The following CDHR1 variants were observed in gnomAD, a reference collection of about 807,000 sequenced individuals.
CDHR1 encodes cadherin-related family member 1.
CDHR1 carries 61 observed loss-of-function variants against 72.1 expected under a neutral mutation model. The observed-to-expected ratio is 0.85, with a 90% CI of 0.69 to 1.05. The LOEUF is 1.05. Ranked by LOEUF, CDHR1 falls within the 50% of genes least tolerant of loss-of-function variation. CDHR1 has a pLI of 0.00. For synonymous variants in CDHR1, 470 were observed against 448.1 expected, an observed-to-expected ratio of 1.05 and a Z score of -0.62; for missense variants, 1,186 against 1,115.7, an observed-to-expected ratio of 1.06 and a Z score of -0.90.
chr10:84,209,187 A>G (rs1246322075), intron 12 of CDHR1, among the ~76,000 whole-genome samples: 1 of 152,248 alleles, frequency 6.6e-6, no homozygotes, highest in Non-Finnish European at 1.5e-5. Flanking sequence ...TAGATGTTTT[A>G]TCATATGCCT....
At position 84,195,507 on chromosome 10, in the gene CDHR1, C is replaced by T; in HGVS notation, c.69C>T (p.Phe23=). The change falls in exon 2 of 17, where the codon TTC becomes TTT. Residue 23 remains phenylalanine (F), a synonymous_variant. Transcript: ENST00000623527. ...LLRLCLAQAN[F]APHFFDNGVG... ...TTCTTTTTCCAGCTCAGGCCAACTTCGCCCCGCACTTCTTCGACAACGGGG... is the reference window on the plus strand; with the variant it reads ...TTCTTTTTCCAGCTCAGGCCAACTTTGCCCCGCACTTCTTCGACAACGGGG... The T allele has an allele frequency of 6.2e-7, 1 of 1,614,072 alleles. No homozygotes were observed. The highest frequency in any genetic ancestry group is 8.5e-7 in the Non-Finnish European group (1 of 1,179,956).
Position 84,195,604 on chromosome 10 carries a change from C to T in CDHR1, c.151+15C>T. 1 of 1,603,716 alleles carries T rather than the reference C, an allele frequency of 6.2e-7. No homozygotes were observed. Among genetic ancestry groups the T allele is most frequent in the Non-Finnish European group, 8.5e-7 (1 of 1,171,110 alleles). ...CACCCCTGTAGGTGAGTAGCCCTGG[C>T]ACCTGCTCCCGATAGGTCTCCCTGA... is the stretch of plus-strand genomic sequence containing the variant. On this transcript the variant is annotated intron_variant, in intron 2 of 16. Coordinates refer to ENST00000623527, the MANE Select transcript of CDHR1 (RefSeq NM_033100.4).
chr10:84,207,872 A>G (rs985476925), intron 10 of CDHR1, among the ~76,000 whole-genome samples: 5 of 152,160 alleles, frequency 3.3e-5, no homozygotes, highest in Non-Finnish European at 1.5e-5. Flanking sequence ...CTGTTGGACT[A>G]AGAGGTTCAG....
intron 15 of CDHR1, 82 bp from the exon 16 acceptor site, chr10:84,213,009 C>G: frequency 1.3e-6 from 2 of 1,546,832 alleles, no homozygotes; most frequent in Non-Finnish European, 1.8e-6. Flanking sequence ...ACCCAGCAAG[C>G]CCCATATGAC....
At chr10:84,200,170 CA>C (rs10583938) in intron 5 of CDHR1, among the ~76,000 whole-genome samples, 24,461 of 134,182 alleles carry the variant, frequency 0.18, 1,975 homozygotes, top group East Asian at 0.31. Context: ...AGCTCCATCT[CA>C]AAAAAAAAAA....
At chr10:84,199,641 G>A (rs910508897) in intron 5 of CDHR1, among the ~76,000 whole-genome samples, 1 of 152,126 alleles carries the variant, frequency 6.6e-6, no homozygotes, top group Non-Finnish European at 1.5e-5. Context: ...TATTTAAGGT[G>A]CTCTAAATTT....
chr10:84,203,048 G>A lies in CDHR1; in HGVS notation c.708G>A (p.Val236=), dbSNP rs1842157613. The A allele has an allele frequency of 1.2e-6, 2 of 1,614,230 alleles. No individual in the cohort carries two copies. The highest frequency in any genetic ancestry group is 1.6e-4 in the Middle Eastern group (1 of 6,062). Residue 236 remains valine (V), a synonymous_variant, in exon 8 of 17, where the codon GTG becomes GTA. Coordinates refer to ENST00000623527, the MANE Select transcript of CDHR1 (RefSeq NM_033100.4). ...FSATTTVTVN[V]EDVQDMAPVF... ...CCACCACCACGGTCACGGTCAATGTGGAGGATGTTCAGGACATGGCCCCTG... is the reference window on the plus strand; with the variant it reads ...CCACCACCACGGTCACGGTCAATGTAGAGGATGTTCAGGACATGGCCCCTG...
At chr10:84,212,104 T>G in intron 14 of CDHR1, 75 bp from the exon 15 acceptor site, 1 of 1,292,478 alleles carries the variant, frequency 7.7e-7, no homozygotes, top group Non-Finnish European at 1.1e-6. Flanking sequence ...AGGCAGCTCA[T>G]TATTGCAGGC....
intron 16 of CDHR1, among the ~76,000 whole-genome samples, chr10:84,213,770 C>T (rs1355861827): frequency 6.6e-6 from 1 of 152,160 alleles, no homozygotes; most frequent in Non-Finnish European, 1.5e-5. Flanking sequence ...ATCTCAAGGA[C>T]AGACTCCAGC....
At chr10:84,200,189 T>G (rs572141088) in intron 5 of CDHR1, among the ~76,000 whole-genome samples, 7 of 149,466 alleles carry the variant, frequency 4.7e-5, no homozygotes, top group East Asian at 1.9e-4. Context: ...AAAAAAAAAG[T>G]TTGCTAAGTC....
At chr10:84,207,634 T>C (rs1842250254) in intron 10 of CDHR1, among the ~76,000 whole-genome samples, 1 of 152,200 alleles carries the variant, frequency 6.6e-6, no homozygotes, top group Admixed American at 6.5e-5. Flanking sequence ...ATCAGCTGCA[T>C]AACTAATTAC....
At position 84,194,720 on chromosome 10, in the gene CDHR1, G is replaced by T; in HGVS notation, c.-41G>T. ...GGGCATGCTCCGTGCCCCTGCGCCC[G>T]GTCTCGGCGGCGGCAGGCGACACTC... On this transcript the variant is annotated 5_prime_UTR_variant, in exon 1 of 17. Transcript: ENST00000623527. 2 of 1,439,812 alleles carry T rather than the reference G, an allele frequency of 1.4e-6. No homozygotes were observed. Among genetic ancestry groups the T allele is most frequent in the Non-Finnish European group, 1.8e-6 (2 of 1,104,636 alleles). The allele number at this position is 1,439,812 out of a possible 1,614,324, so 89.2% of individuals were successfully genotyped here.
chr10:84,215,155 G>A lies in CDHR1; in HGVS notation c.*534G>A. 1 of 1,015,394 alleles carries A rather than the reference G, an allele frequency of 9.8e-7. No individual in the cohort carries two copies. The highest frequency in any genetic ancestry group is 1.2e-6 in the Non-Finnish European group (1 of 847,692). 62.9% of individuals were successfully genotyped at this position (1,015,394 alleles called of 1,614,324 possible). ...CTGTAGGAAAGCAAATGTAGGTAAGGGGAGAGCAAGGATGCACAGAAAACA... is the reference window on the plus strand; with the variant it reads ...CTGTAGGAAAGCAAATGTAGGTAAGAGGAGAGCAAGGATGCACAGAAAACA... On this transcript the variant is annotated 3_prime_UTR_variant, in exon 17 of 17. Coordinates refer to ENST00000623527, the MANE Select transcript of CDHR1 (RefSeq NM_033100.4).
At position 84,199,045 on chromosome 10, in the gene CDHR1, T is replaced by A; in HGVS notation, c.362T>A (p.Val121Asp). 2 of 1,551,618 alleles carry A rather than the reference T, an allele frequency of 1.3e-6. No homozygotes were observed. Among genetic ancestry groups the A allele is most frequent in the Non-Finnish European group, 1.7e-6 (2 of 1,146,990 alleles). The stretch of plus-strand genomic sequence containing the variant: ...GCCCCTTCTCAGGTGGCCGAAAAAG[T>A]CGTGATCCTGGTGACCGATGCCAAT... ...SDGLNLVAEK[V>D]VILVTDANDE... The change falls in exon 5 of 17, where the codon GTC (valine) becomes GAC (aspartate). Residue 121 changes from valine to aspartate, a missense_variant. Transcript: ENST00000623527.
chr10:84,214,634 G>A lies in CDHR1; in HGVS notation c.*13G>A, dbSNP rs888512983. On this transcript the variant is annotated 3_prime_UTR_variant, in exon 17 of 17. Transcript: ENST00000623527. The stretch of plus-strand genomic sequence containing the variant: ...GGCTTACTTCTAGTGTATGCCCTAT[G>A]ACCCCCCATCTTTCCTCCGCCCCTG... The A allele has an allele frequency of 1.5e-5, 24 of 1,599,220 alleles. No homozygotes were observed. The highest frequency in any genetic ancestry group is 1.9e-5 in the Non-Finnish European group (23 of 1,179,660).
rs771658854 is a variant in CDHR1 at position 84,212,243 on chromosome 10, G to T, written c.1618G>T (p.Ala540Ser). The change falls in exon 15 of 17, where the codon GCC becomes TCC. Residue 540 changes from alanine to serine, a missense_variant. Transcript: ENST00000623527. ...GCCCTGGGCTAGCCTGGACGCTGAGGCCACTGCCAGGTACAACTTCTATGT... is the reference window on the plus strand; with the variant it reads ...GCCCTGGGCTAGCCTGGACGCTGAGTCCACTGCCAGGTACAACTTCTATGT... Reference protein sequence around the residue: ...TQPWASLDAEATARYNFYVKA... With the variant: ...TQPWASLDAESTARYNFYVKA... The T allele has an allele frequency of 2.5e-6, 4 of 1,614,250 alleles. No homozygotes were observed. The highest frequency in any genetic ancestry group is 3.4e-6 in the Non-Finnish European group (4 of 1,180,044).
In CDHR1 at chr10:84,211,108, C is replaced by T; in HGVS notation, c.1428C>T (p.Tyr476=). ...NDNVPKFDSL[Y]YVARIPENAP... ...ATGTCCCCAAGTTCGACTCCCTCTA[C>T]TACGTTGCCAGGATTCCTGAGAACG... Residue 476 remains tyrosine, a synonymous_variant, in exon 13 of 17, where the codon TAC becomes TAT. Transcript: ENST00000623527. 1 of 1,614,252 alleles carries T rather than the reference C, an allele frequency of 6.2e-7. No individual in the cohort carries two copies. Among genetic ancestry groups the T allele is most frequent in the Non-Finnish European group, 8.5e-7 (1 of 1,180,052 alleles).
chr10:84,198,926 G>GA (rs397828334), intron 4 of CDHR1, 106 bp from the exon 5 acceptor site: 5 of 806,074 alleles, frequency 6.2e-6, no homozygotes, highest in Non-Finnish European at 6.4e-6. Context: ...GAGAGAGAGA[G>GA]GAGGGATGGG....
At chr10:84,213,609 C>T (rs889445567) in intron 16 of CDHR1, among the ~76,000 whole-genome samples, 1 of 152,202 alleles carries the variant, frequency 6.6e-6, no homozygotes, top group Non-Finnish European at 1.5e-5. Context: ...GCCTCCTTCA[C>T]ACGGGTGTTG....
Sources: allele counts gnomAD v4.1 joint callset (sites outside exome capture counted in the v4.1 genomes callset), GRCh38; gene constraint gnomAD v4.1.1; transcripts MANE v1.5; gene names NCBI Gene and HGNC (gene_info 2026-07-23, HGNC 2026-07-21).